Variants in NALF1 observed in about 807,000 individuals in gnomAD.
NALF1 encodes NALCN channel auxiliary factor 1.
Under a neutral mutation model 48.4 loss-of-function variants are expected in NALF1, and 3 were observed. The observed-to-expected ratio is 0.06, with a 90% CI of 0.03 to 0.16. The LOEUF is 0.16. Among genes scored for constraint, NALF1 ranks in the 10% least tolerant of loss-of-function variants. The pLI is 1.00. For synonymous variants in NALF1, 262 were observed against 245.7 expected (o/e 1.07, Z -0.62); for missense variants, 526 against 571.5 (o/e 0.92, Z 0.81).
At chr13:107,292,999 T>C (rs1251073066) in intron 1 of NALF1, among the ~76,000 whole-genome samples, 1 of 146,246 alleles carries the variant, frequency 6.8e-6, no homozygotes, top group African/African-American at 2.5e-5. Context: ...TTTCTTTTTT[T>C]TTTTTTTTTT....
intron 1 of NALF1, among the ~76,000 whole-genome samples, chr13:107,282,321 CA>C (rs1441791462): frequency 4.6e-5 from 7 of 152,186 alleles, no homozygotes; most frequent in African/African-American, 1.7e-4. Context: ...ATCCAGAGAG[CA>C]AATCCTATAA....
At chr13:107,764,057 A>G (rs1877353101) in intron 1 of NALF1, among the ~76,000 whole-genome samples, 1 of 152,230 alleles carries the variant, frequency 6.6e-6, no homozygotes, top group Non-Finnish European at 1.5e-5. Flanking sequence ...CAAAATACCA[A>G]GAAAATGTAT....
At chr13:107,830,702 G>A (rs191985218) in intron 1 of NALF1, among the ~76,000 whole-genome samples, 337 of 152,074 alleles carry the variant, frequency 2.2e-3, no homozygotes, top group Non-Finnish European at 2.2e-3. Flanking sequence ...CACTCTCTCC[G>A]TGTGATCTCA....
chr13:107,546,656 TCTCTCTCC>T (rs1399886012), intron 1 of NALF1, among the ~76,000 whole-genome samples: 2 of 151,452 alleles, frequency 1.3e-5, no homozygotes, highest in Non-Finnish European at 2.9e-5. Flanking sequence ...TCTCTCTCTG[TCTCTCTCC>T]CGGCTAGCTT....
intron 1 of NALF1, among the ~76,000 whole-genome samples, chr13:107,307,635 T>TAA (rs34252962): frequency 0.075 from 8,769 of 117,346 alleles, 388 homozygotes; most frequent in Middle Eastern, 0.1. Context: ...CCTTTTTTAT[T>TAA]AAAAAAAAAA....
At chr13:107,744,987 C>G (rs1459952221) in intron 1 of NALF1, among the ~76,000 whole-genome samples, 2 of 152,140 alleles carry the variant, frequency 1.3e-5, no homozygotes. Flanking sequence ...GTTTTTCATT[C>G]TACTGCACTG....
At chr13:107,412,252 A>G (rs939552753) in intron 1 of NALF1, among the ~76,000 whole-genome samples, 2 of 152,208 alleles carry the variant, frequency 1.3e-5, no homozygotes, top group Admixed American at 1.3e-4. Context: ...ACCAAGCACC[A>G]GTCTAAGCAT....
intron 1 of NALF1, among the ~76,000 whole-genome samples, chr13:107,292,332 A>C (rs1238199265): frequency 6.6e-6 from 1 of 152,208 alleles, no homozygotes; most frequent in African/African-American, 2.4e-5. Flanking sequence ...GTGAGAAGTC[A>C]ATGTAAAAGC....
chr13:107,440,459 G>A (rs1884538552), intron 1 of NALF1, among the ~76,000 whole-genome samples: 1 of 152,146 alleles, frequency 6.6e-6, no homozygotes, highest in Non-Finnish European at 1.5e-5. Flanking sequence ...TAGTTACTTA[G>A]CATCACTCTA....
chr13:107,222,016 G>A (rs371788731), intron 1 of NALF1, among the ~76,000 whole-genome samples: 79 of 152,288 alleles, frequency 5.2e-4, no homozygotes, highest in African/African-American at 1.8e-3. Flanking sequence ...ACTGTTATGT[G>A]CGTTTTGCTT....
chr13:107,689,668 C>A (rs1594208764), intron 1 of NALF1, among the ~76,000 whole-genome samples: 1 of 152,106 alleles, frequency 6.6e-6, no homozygotes, highest in Non-Finnish European at 1.5e-5. Flanking sequence ...TTTTCAAATT[C>A]TCCATGTGAA....
chr13:107,843,055 C>T (rs1348595562), intron 1 of NALF1, among the ~76,000 whole-genome samples: 1 of 152,180 alleles, frequency 6.6e-6, no homozygotes, highest in Non-Finnish European at 1.5e-5. Flanking sequence ...AGTAGAAATA[C>T]ATTTAACATT....
chr13:107,649,234 T>C (rs574867019), intron 1 of NALF1, among the ~76,000 whole-genome samples: 1 of 152,228 alleles, frequency 6.6e-6, no homozygotes, highest in Non-Finnish European at 1.5e-5. Flanking sequence ...CATCCCACCA[T>C]GTGGGAACTG....
At chr13:107,567,185 A>G (rs1318508761) in intron 1 of NALF1, among the ~76,000 whole-genome samples, 2 of 152,192 alleles carry the variant, frequency 1.3e-5, no homozygotes, top group Admixed American at 1.3e-4. Flanking sequence ...AGTTTCATAT[A>G]TTTGTTTTAA....
intron 2 of NALF1, among the ~76,000 whole-genome samples, chr13:107,184,742 T>C (rs961030480): frequency 1.3e-5 from 2 of 152,200 alleles, no homozygotes; most frequent in Non-Finnish European, 2.9e-5. Flanking sequence ...TGTAGTAATT[T>C]GTCTCAAATA....
chr13:107,262,232 T>G (rs1249655762), intron 1 of NALF1, among the ~76,000 whole-genome samples: 2 of 152,044 alleles, frequency 1.3e-5, no homozygotes, highest in Admixed American at 6.6e-5. Context: ...CTGGCCAACA[T>G]AGTGAAACCC....
intron 1 of NALF1, among the ~76,000 whole-genome samples, chr13:107,280,231 C>G (rs1443324023): frequency 6.6e-6 from 1 of 152,204 alleles, no homozygotes; most frequent in African/African-American, 2.4e-5. Flanking sequence ...TCCCTCTTTA[C>G]TCCATAGGGT....
chr13:107,392,955 C>T (rs969589769), intron 1 of NALF1, among the ~76,000 whole-genome samples: 1 of 152,024 alleles, frequency 6.6e-6, no homozygotes, highest in Admixed American at 6.6e-5. Flanking sequence ...CCACAGTGGA[C>T]ATGGAGGAGT....
At chr13:107,713,559 C>T (rs779155631) in intron 1 of NALF1, among the ~76,000 whole-genome samples, 6 of 152,266 alleles carry the variant, frequency 3.9e-5, no homozygotes, top group Admixed American at 1.3e-4. Flanking sequence ...GAGATTATAT[C>T]ATCATCTGAG....
Sources: gnomAD v4.1 joint callset for allele counts (sites outside exome capture counted in the v4.1 genomes callset) on GRCh38, gnomAD v4.1.1 for gene constraint, MANE v1.5 for transcripts, NCBI Gene and HGNC (gene_info 2026-07-23, HGNC 2026-07-21) for gene names.